Variants in GRIK2 observed in about 807,000 individuals in gnomAD.
GRIK2 encodes the protein glutamate ionotropic receptor kainate type subunit 2, also known as glutamate receptor ionotropic, kainate 2.
GRIK2 carries 32 observed loss-of-function variants against 100.3 expected under a neutral mutation model. That is an observed-to-expected ratio of 0.32 (90% CI 0.24 to 0.43). The LOEUF is 0.43. Ranked by LOEUF, GRIK2 falls within the 20% of genes least tolerant of loss-of-function variation. The probability of loss-of-function intolerance (pLI) is 1.00; values close to 1 mark genes in which losing one functional copy is unlikely to be tolerated. For synonymous variants in GRIK2, 417 were observed against 389.4 expected, an observed-to-expected ratio of 1.07 and a Z score of -0.83; for missense variants, 843 against 1,114.9, an observed-to-expected ratio of 0.76 and a Z score of 3.47.
chr6:101,822,349 AAGTCAGGTT>A (rs1344147580), intron 10 of GRIK2, among the ~76,000 whole-genome samples: 1 of 151,838 alleles, frequency 6.6e-6, no homozygotes, highest in African/African-American at 2.4e-5. Flanking sequence ...GTGGAAGGGC[AAGTCAGGTT>A]AGGACTCACA....
chr6:101,912,747 C>T (rs1394201952), intron 12 of GRIK2, among the ~76,000 whole-genome samples: 2 of 151,522 alleles, frequency 1.3e-5, no homozygotes, highest in African/African-American at 4.8e-5. Context: ...CTGAGGCTGG[C>T]CATCCAGCAG....
At chr6:101,533,579 G>A (rs1206493466) in intron 2 of GRIK2, among the ~76,000 whole-genome samples, 1 of 151,848 alleles carries the variant, frequency 6.6e-6, no homozygotes, top group East Asian at 1.9e-4. Context: ...AAACTATTCA[G>A]AGAAGGCAAG....
chr6:101,973,614 C>T (rs2128486639), intron 14 of GRIK2, among the ~76,000 whole-genome samples: 1 of 151,870 alleles, frequency 6.6e-6, no homozygotes, highest in African/African-American at 2.4e-5. Flanking sequence ...TTTAAACATA[C>T]TACCAATTAT....
At chr6:102,020,953 T>G (rs904672529) in intron 14 of GRIK2, among the ~76,000 whole-genome samples, 4 of 151,912 alleles carry the variant, frequency 2.6e-5, no homozygotes, top group South Asian at 2.1e-4. Flanking sequence ...GCAATTTATA[T>G]GTACATATTT....
chr6:101,586,841 G>T (rs1262875849), intron 2 of GRIK2, among the ~76,000 whole-genome samples: 15 of 135,666 alleles, frequency 1.1e-4, no homozygotes. Flanking sequence ...AGTGAGCCGA[G>T]ATCCTGCTAC....
chr6:101,462,466 A>T (rs1207522260), intron 2 of GRIK2, among the ~76,000 whole-genome samples: 2 of 137,696 alleles, frequency 1.5e-5, no homozygotes, highest in African/African-American at 2.8e-5. Flanking sequence ...TAGAGTCAAG[A>T]TACTACTCTA....
At chr6:101,851,263 T>G (rs1784111206) in intron 10 of GRIK2, among the ~76,000 whole-genome samples, 1 of 152,028 alleles carries the variant, frequency 6.6e-6, no homozygotes, top group Non-Finnish European at 1.5e-5. Context: ...GAAATCAAAT[T>G]AACAGGTAGG....
rs565232883 is a variant in GRIK2 at position 101,623,225 on chromosome 6, A to G, written c.283+1109A>G. The stretch of plus-strand genomic sequence containing the variant: ...CTGACAAGGTACAGTATTTCTCGAG[A>G]TGAAAGTATCCTTCTTTTCCCCCAG... On this transcript the variant is annotated intron_variant, in intron 3 of 16. Coordinates refer to ENST00000369134, the MANE Select transcript of GRIK2 (RefSeq NM_021956.5). Among the ~76,000 whole-genome samples the G allele has an allele frequency of 7.9e-5, 12 of 152,078 alleles. No homozygotes were observed. In the South Asian group the frequency reaches 1.2e-3, roughly 16 times the overall value.
At chr6:101,502,153 G>A (rs1773790213) in intron 2 of GRIK2, among the ~76,000 whole-genome samples, 1 of 152,066 alleles carries the variant, frequency 6.6e-6, no homozygotes, top group Admixed American at 6.6e-5. Flanking sequence ...AATTGATATA[G>A]GGAAGCAGGT....
At chr6:101,955,768 C>T (rs78615724) in intron 14 of GRIK2, among the ~76,000 whole-genome samples, 12,344 of 151,922 alleles carry the variant, frequency 0.081, 603 homozygotes, top group Middle Eastern at 0.19. Context: ...GCAATCATCT[C>T]ACTTTCATTT....
chr6:102,017,033 G>A (rs767556762), intron 14 of GRIK2, among the ~76,000 whole-genome samples: 8 of 152,076 alleles, frequency 5.3e-5, no homozygotes, highest in East Asian at 1.9e-4. Flanking sequence ...TCTAAGCTTC[G>A]TAAGCAAAGG....
chr6:101,880,696 T>C (rs1481021514), intron 11 of GRIK2, among the ~76,000 whole-genome samples: 2 of 152,010 alleles, frequency 1.3e-5, no homozygotes, highest in Admixed American at 1.3e-4. Context: ...CAAGTCTTAT[T>C]TTTATATCTA....
intron 7 of GRIK2, among the ~76,000 whole-genome samples, chr6:101,758,169 G>A (rs1159586627): frequency 6.6e-6 from 1 of 152,146 alleles, no homozygotes; most frequent in African/African-American, 2.4e-5. Flanking sequence ...GTTGCATTGA[G>A]CCAAGATTGT....
intron 2 of GRIK2, among the ~76,000 whole-genome samples, chr6:101,452,516 A>T (rs1562147905): frequency 6.6e-6 from 1 of 151,698 alleles, no homozygotes; most frequent in Non-Finnish European, 1.5e-5. Flanking sequence ...TGCTCTCAAA[A>T]TACCAAATAA....
At chr6:101,983,666 T>C (rs1582665145) in intron 14 of GRIK2, among the ~76,000 whole-genome samples, 1 of 151,796 alleles carries the variant, frequency 6.6e-6, no homozygotes, top group Non-Finnish European at 1.5e-5. Flanking sequence ...TTACATTTCA[T>C]ACAAGGTATG....
intron 6 of GRIK2, among the ~76,000 whole-genome samples, chr6:101,684,548 G>A (rs1195381589): frequency 6.6e-6 from 1 of 152,056 alleles, no homozygotes; most frequent in Non-Finnish European, 1.5e-5. Context: ...TTTAATGGCA[G>A]CTGTAGGGGA....
chr6:101,726,626 T>C (rs1466137918), intron 7 of GRIK2, among the ~76,000 whole-genome samples: 1 of 151,960 alleles, frequency 6.6e-6, no homozygotes, highest in African/African-American at 2.4e-5. Context: ...TAACATACTG[T>C]CAAAAATATC....
rs545039926 is a variant in GRIK2 at position 101,536,361 on chromosome 6, A to C, written c.116-85588A>C. Among the ~76,000 whole-genome samples the C allele has an allele frequency of 5.3e-5, 8 of 151,702 alleles. No individual in the cohort carries two copies. The South Asian group carries it at 1.4e-3, about 27-fold the overall frequency. ...CTCTTTTTTTTGTTCCAGCATGCTT[A>C]TCTTCTAATTCACCCTATATGTTAG... On this transcript the variant is annotated intron_variant, in intron 2 of 16. Coordinates refer to ENST00000369134, the MANE Select transcript of GRIK2 (RefSeq NM_021956.5).
rs772038422 is a variant in GRIK2 at position 101,640,235 on chromosome 6, T to C, written c.541+13598T>C. Among the ~76,000 whole-genome samples, 10 of 152,276 alleles carry C rather than the reference T, an allele frequency of 6.6e-5. No homozygotes were observed. The South Asian group carries it at 1.2e-3, about 19-fold the overall frequency. On this transcript the variant is annotated intron_variant, in intron 4 of 16. Transcript: ENST00000369134. ...TAGAGTTATATTCAGGGGCTTGCAT[T>C]TGGAAACATAGCTAATTGTAGTAGG...
Sources: gnomAD v4.1 joint callset for allele counts (sites outside exome capture counted in the v4.1 genomes callset) on GRCh38, gnomAD v4.1.1 for gene constraint, MANE v1.5 for transcripts, NCBI Gene and HGNC (gene_info 2026-07-23, HGNC 2026-07-21) for gene names.